The following CSMD3 variants were observed in gnomAD, a reference collection of about 807,000 sequenced individuals.
CSMD3 encodes the protein CUB and sushi domain-containing protein 3.
A neutral mutation model predicts 435.2 loss-of-function variants in CSMD3; 177 were observed. That is an observed-to-expected ratio of 0.41 (90% CI 0.36 to 0.46). The LOEUF is 0.46. Among genes scored for constraint, CSMD3 ranks in the 20% least tolerant of loss-of-function variants. The probability of loss-of-function intolerance (pLI) is 0.34; values close to 1 mark genes in which losing one functional copy is unlikely to be tolerated. For synonymous variants in CSMD3, 1,656 were observed against 1,520.5 expected (o/e 1.09, Z -2.07); for missense variants, 4,265 against 4,504.6 (o/e 0.95, Z 1.52).
chr8:112,592,823 T>C (rs1290980338), intron 22 of CSMD3, among the ~76,000 whole-genome samples: 1 of 152,078 alleles, frequency 6.6e-6, no homozygotes, highest in Non-Finnish European at 1.5e-5. Flanking sequence ...GTCTTGGGGA[T>C]AGGTCCTCTT....
At chr8:112,547,260 ATG>A (rs1191393712) in intron 27 of CSMD3, among the ~76,000 whole-genome samples, 2 of 152,156 alleles carry the variant, frequency 1.3e-5, no homozygotes, top group African/African-American at 4.8e-5. Context: ...TGTACAAAAT[ATG>A]TGTTTTATAT....
At chr8:113,426,251 A>G (rs1473953159) in intron 1 of CSMD3, among the ~76,000 whole-genome samples, 1 of 151,414 alleles carries the variant, frequency 6.6e-6, no homozygotes, top group Non-Finnish European at 1.5e-5. Context: ...GGATTCAGAG[A>G]AGCCATTTCT....
At chr8:112,294,091 G>A (rs935961107) in intron 54 of CSMD3, among the ~76,000 whole-genome samples, 1 of 151,950 alleles carries the variant, frequency 6.6e-6, no homozygotes, top group African/African-American at 2.4e-5. Flanking sequence ...ATTTGCTTGG[G>A]GGGGGTGTAG....
At chr8:112,466,612 A>G (rs1444113638) in intron 32 of CSMD3, among the ~76,000 whole-genome samples, 1 of 152,216 alleles carries the variant, frequency 6.6e-6, no homozygotes, top group Admixed American at 6.5e-5. Flanking sequence ...ATACATTTAG[A>G]GATAGTATGT....
At chr8:112,942,235 T>TAA (rs4028274) in intron 9 of CSMD3, among the ~76,000 whole-genome samples, 4 of 140,742 alleles carry the variant, frequency 2.8e-5, no homozygotes, top group Non-Finnish European at 6.2e-5. Context: ...ATGTTTAGTT[T>TAA]AAAAAAAAAA....
In CSMD3 at chr8:113,130,124, C is replaced by T. The variant is rs117889142; in HGVS notation, c.710-31161G>A. Among the ~76,000 whole-genome samples, 128 of 151,782 alleles carry T rather than the reference C, an allele frequency of 8.4e-4. 2 individuals carry two copies. In the East Asian group the frequency reaches 0.01, roughly 12 times the overall value. ...ACTAAGCACAGTAATGTGCTTAGTA[C>T]GCATTATAAATGTATTCTTAAAAAA... is the stretch of plus-strand genomic sequence containing the variant. On this transcript the variant is annotated intron_variant, in intron 4 of 70. Coordinates refer to ENST00000297405, the MANE Select transcript of CSMD3 (RefSeq NM_198123.2).
Position 112,659,945 on chromosome 8 carries a change from G to GA in CSMD3, c.2817-3605dup, listed in dbSNP as rs534000323. Among the ~76,000 whole-genome samples the GA allele has an allele frequency of 3.6e-4, 55 of 151,926 alleles. No homozygotes were observed. The East Asian group carries it at 9.5e-3, about 26-fold the overall frequency. On this transcript the variant is annotated intron_variant, in intron 17 of 70. Transcript: ENST00000297405. ...ATCATTTTCTCCATTTGAGAATATA[G>GA]AAAAAAACTACAAAATAGCTATGCC...
chr8:113,275,649 G>A (rs1007968146), intron 3 of CSMD3, among the ~76,000 whole-genome samples: 1 of 151,986 alleles, frequency 6.6e-6, no homozygotes, highest in Non-Finnish European at 1.5e-5. Context: ...AGAGGAGGAT[G>A]AAATAAAAAG....
At chr8:112,677,659 G>A (rs2075797736) in intron 16 of CSMD3, among the ~76,000 whole-genome samples, 1 of 151,838 alleles carries the variant, frequency 6.6e-6, no homozygotes, top group South Asian at 2.1e-4. Flanking sequence ...ATGATCATTT[G>A]GGGGAGAATG....
In CSMD3 at chr8:112,540,568, T is replaced by C. The variant is rs145624798; in HGVS notation, c.4564+10103A>G. On this transcript the variant is annotated intron_variant, in intron 27 of 70. Transcript: ENST00000297405. ...GTGGATAAAGAAAATGTGCTATATATACACAATGGAATGTTATTCAGCCAC... is the reference window on the plus strand; with the variant it reads ...GTGGATAAAGAAAATGTGCTATATACACACAATGGAATGTTATTCAGCCAC... Among the ~76,000 whole-genome samples, 541 of 152,156 alleles carry C rather than the reference T, an allele frequency of 3.6e-3. 1 individual carries two copies. The highest frequency in any genetic ancestry group is 0.013 in the African/African-American group (520 of 41,562).
At chr8:112,387,151 T>G (rs982026721) in intron 36 of CSMD3, among the ~76,000 whole-genome samples, 2 of 152,158 alleles carry the variant, frequency 1.3e-5, no homozygotes, top group Admixed American at 6.5e-5. Context: ...ATGAATCCAC[T>G]CTTTGCCACA....
intron 25 of CSMD3, among the ~76,000 whole-genome samples, chr8:112,555,445 A>G (rs1828032225): frequency 6.6e-6 from 1 of 152,028 alleles, no homozygotes; most frequent in Non-Finnish European, 1.5e-5. Flanking sequence ...ATCAGAGAGA[A>G]TTAGTCAGTG....
chr8:113,348,412 T>C (rs941374722), intron 1 of CSMD3, among the ~76,000 whole-genome samples: 2 of 152,146 alleles, frequency 1.3e-5, no homozygotes, highest in African/African-American at 4.8e-5. Context: ...GATGAACTCA[T>C]GTCCTTTGCT....
In CSMD3 at chr8:112,224,871, G is replaced by A. The variant is rs757642380; in HGVS notation, c.11024C>T (p.Ala3675Val). The A allele has an allele frequency of 6.2e-7, 1 of 1,614,004 alleles. No individual in the cohort carries two copies. Among genetic ancestry groups the A allele is most frequent in the East Asian group, 2.2e-5 (1 of 44,882 alleles). The change falls in exon 71 of 71, where the codon GCA becomes GTA. Residue 3675 changes from alanine (A) to valine (V), a missense_variant. Transcript: ENST00000297405. ...GTCATACATGGGATTTTCAAAAGCT[G>A]CTTGGCCATTGTTATTTTCATGAAC... ...CSVHENNNGQ[A>V]AFENPMYDTN...
chr8:112,933,693 A>G (rs1488559414), intron 9 of CSMD3, among the ~76,000 whole-genome samples: 3 of 151,932 alleles, frequency 2.0e-5, no homozygotes, highest in Non-Finnish European at 4.4e-5. Flanking sequence ...AATGACAAGA[A>G]CTCTCATTAT....
At chr8:112,304,963 A>G in intron 51 of CSMD3, 48 bp from the exon 52 acceptor site, 1 of 1,355,358 alleles carries the variant, frequency 7.4e-7, no homozygotes, top group Non-Finnish European at 1.0e-6. Context: ...ACTATATCTC[A>G]ACGTCTATTC....
intron 30 of CSMD3, among the ~76,000 whole-genome samples, chr8:112,495,195 G>A (rs577158505): frequency 6.6e-6 from 1 of 152,318 alleles, no homozygotes; most frequent in South Asian, 2.1e-4. Flanking sequence ...AAAACGCAAT[G>A]TAATTTTTAG....
chr8:112,405,587 T>C (rs931692727), intron 35 of CSMD3, among the ~76,000 whole-genome samples: 15 of 151,800 alleles, frequency 9.9e-5, no homozygotes, highest in Admixed American at 9.9e-4. Context: ...GCAAGTTAGA[T>C]ATACTATTGC....
At chr8:113,156,601 G>T (rs1194958150) in intron 4 of CSMD3, among the ~76,000 whole-genome samples, 2 of 151,634 alleles carry the variant, frequency 1.3e-5, no homozygotes, top group African/African-American at 4.8e-5. Context: ...TATTCTGAAG[G>T]ATGTTAGAGA....
Sources: allele counts gnomAD v4.1 joint callset (sites outside exome capture counted in the v4.1 genomes callset), GRCh38; gene constraint gnomAD v4.1.1; transcripts MANE v1.5; gene names NCBI Gene and HGNC (gene_info 2026-07-23, HGNC 2026-07-21).